RNF17: variants seen among roughly 807,000 people sequenced by gnomAD.
RNF17 encodes the protein ring finger protein 17.
RNF17 carries 31 observed loss-of-function variants against 200.5 expected under a neutral mutation model. The observed-to-expected ratio is 0.15, with a 90% CI of 0.12 to 0.21. The LOEUF is 0.21. Ranked by LOEUF, RNF17 falls within the 10% of genes least tolerant of loss-of-function variation. The probability of loss-of-function intolerance (pLI) is 1.00; values close to 1 mark genes in which losing one functional copy is unlikely to be tolerated. For missense variants in RNF17, 1,628 were observed against 1,905.1 expected, an observed-to-expected ratio of 0.85 and a Z score of 2.71; for synonymous variants, 606 against 637.8, an observed-to-expected ratio of 0.95 and a Z score of 0.75.
chr13:24,878,574 G>T (rs1489019411), intron 34 of RNF17, among the ~76,000 whole-genome samples: 1 of 152,196 alleles, frequency 6.6e-6, no homozygotes, highest in Admixed American at 6.5e-5. Context: ...GAGCCCCTGG[G>T]AGGTCACTGG....
rs1223168864 is a variant in RNF17, at chr13:24,877,146, T to C, written c.4733T>C (p.Ile1578Thr). 2 of 1,613,408 alleles carry C rather than the reference T, an allele frequency of 1.2e-6. No individual in the cohort carries two copies. Among genetic ancestry groups the C allele is most frequent in the African/African-American group, 1.3e-5 (1 of 74,890 alleles). ...AGCATGGAGGCACTGTGGGCTATGA[T>C]AGACTGTCTTCAAGGAAAACAACTC... ...KWSMEALWAMIDCLQGKQLYA... is the reference protein window; with the variant it reads ...KWSMEALWAMTDCLQGKQLYA... The change falls in exon 34 of 36, where the codon ATA becomes ACA. Residue 1578 changes from isoleucine (I) to threonine (T), a missense_variant. Coordinates refer to ENST00000255324, the MANE Select transcript of RNF17 (RefSeq NM_031277.3).
upstream of RNF17, among the ~76,000 whole-genome samples, chr13:24,762,095 G>C (rs1390874609): frequency 2.0e-5 from 3 of 152,166 alleles, no homozygotes; most frequent in Non-Finnish European, 4.4e-5. Flanking sequence ...TGGGCCGGAC[G>C]CGGTGGCTCA....
chr13:24,839,256 A>T (rs1370788893), intron 18 of RNF17, among the ~76,000 whole-genome samples: 2 of 152,092 alleles, frequency 1.3e-5, no homozygotes, highest in African/African-American at 4.8e-5. Flanking sequence ...ATCATATTGC[A>T]ATGGTACCCA....
downstream of RNF17, chr13:24,883,857 T>C: frequency 2.4e-6 from 3 of 1,258,752 alleles, no homozygotes; most frequent in Non-Finnish European, 3.5e-6. Flanking sequence ...AACCCCCTAA[T>C]ATGGGTGTCA....
At chr13:24,797,700 C>G (rs1309422107) in intron 11 of RNF17, among the ~76,000 whole-genome samples, 54 of 27,782 alleles carry the variant, frequency 1.9e-3, no homozygotes, top group African/African-American at 5.6e-3. Flanking sequence ...GAGAGAGAGA[C>G]AAAGAGTGTG....
At chr13:24,879,514 G>A (rs970473630) in intron 35 of RNF17, among the ~76,000 whole-genome samples, 2 of 152,186 alleles carry the variant, frequency 1.3e-5, no homozygotes, top group Non-Finnish European at 2.9e-5. Context: ...GACTCTGACA[G>A]TACCAGGGTA....
intron 15 of RNF17, among the ~76,000 whole-genome samples, chr13:24,809,194 T>G (rs1406235974): frequency 2.4e-4 from 36 of 149,646 alleles, no homozygotes; most frequent in African/African-American, 8.6e-4. Context: ...CTTTTTCTAT[T>G]GATTGGAATA....
the RNF17 span, among the ~76,000 whole-genome samples, chr13:24,756,872 C>T: frequency 1.6e-4 from 25 of 152,064 alleles, no homozygotes; most frequent in Admixed American, 2.6e-4. Context: ...AACAGATCAG[C>T]GAGGTAGCAG....
At chr13:24,770,819 C>T (rs1880556373) in intron 2 of RNF17, among the ~76,000 whole-genome samples, 1 of 152,110 alleles carries the variant, frequency 6.6e-6, no homozygotes, top group Non-Finnish European at 1.5e-5. Context: ...TAACTAATTT[C>T]TTTATTGATA....
chr13:24,781,806 C>G (rs1882408343), intron 5 of RNF17, 38 bp from the exon 6 acceptor site: 1 of 1,432,690 alleles, frequency 7.0e-7, no homozygotes, highest in Admixed American at 2.3e-5. Context: ...AATAAAAATT[C>G]CCAAATTAAG....
chr13:24,755,094 G>A, the RNF17 span, among the ~76,000 whole-genome samples: 1 of 151,966 alleles, frequency 6.6e-6, no homozygotes, highest in African/African-American at 2.4e-5. Context: ...TTTGACTGCT[G>A]TGTTTCTTAA....
intron 6 of RNF17, among the ~76,000 whole-genome samples, chr13:24,787,549 A>G (rs1883279213): frequency 6.6e-6 from 1 of 152,084 alleles, no homozygotes; most frequent in Non-Finnish European, 1.5e-5. Context: ...ATCTTCTCAG[A>G]TGTTTTCTGA....
intron 33 of RNF17, among the ~76,000 whole-genome samples, chr13:24,876,384 C>T (rs1187685778): frequency 2.0e-5 from 3 of 152,142 alleles, no homozygotes; most frequent in Admixed American, 1.3e-4. Flanking sequence ...AATGCTTCTG[C>T]GAACACGGGT....
intron 15 of RNF17, among the ~76,000 whole-genome samples, chr13:24,810,072 A>G (rs1449225209): frequency 1.3e-5 from 2 of 150,574 alleles, no homozygotes; most frequent in Non-Finnish European, 3.0e-5. Context: ...TATGTGGTCA[A>G]TTTTGGAATA....
At chr13:24,884,470 A>T, downstream of RNF17, 1 of 1,613,908 alleles carries the variant, frequency 6.2e-7, no homozygotes, top group Non-Finnish European at 8.5e-7. Flanking sequence ...CCACCTAAAA[A>T]ACCAACACAA....
chr13:24,766,123 C>T (rs542447116), intron 1 of RNF17, among the ~76,000 whole-genome samples: 1 of 152,164 alleles, frequency 6.6e-6, no homozygotes, highest in South Asian at 2.1e-4. Context: ...TCAGCTACTC[C>T]GGAGGCCGAG....
chr13:24,852,360 G>A (rs571931089), intron 24 of RNF17, among the ~76,000 whole-genome samples: 1,754 of 152,072 alleles, frequency 0.012, 76 homozygotes, highest in Admixed American at 0.081. Context: ...GGATGGCCTC[G>A]ATCTCCTGAC....
intron 34 of RNF17, among the ~76,000 whole-genome samples, chr13:24,877,462 A>G (rs1401046597): frequency 6.6e-6 from 1 of 152,202 alleles, no homozygotes; most frequent in Non-Finnish European, 1.5e-5. Context: ...TGAGTATCCC[A>G]TAATTAACTT....
the RNF17 span, chr13:24,752,101 G>A: frequency 6.6e-6 from 1 of 152,288 alleles, no homozygotes; most frequent in Non-Finnish European, 1.5e-5. Flanking sequence ...TGGGAAAATA[G>A]TTTTTCTACC....
Sources: gnomAD v4.1 joint callset for allele counts (sites outside exome capture counted in the v4.1 genomes callset) on GRCh38, gnomAD v4.1.1 for gene constraint, MANE v1.5 for transcripts, NCBI Gene and HGNC (gene_info 2026-07-23, HGNC 2026-07-21) for gene names.